STS: variants seen among roughly 807,000 people sequenced by gnomAD.
STS encodes the protein steroid sulfatase.
STS carries 7 observed loss-of-function variants against 26.8 expected under a neutral mutation model. The ratio of observed to expected loss-of-function variants is 0.26; its 90% CI spans 0.15 to 0.49. The LOEUF is 0.49. Ranked by LOEUF, STS falls within the 20% of genes least tolerant of loss-of-function variation. The pLI is 0.98. For synonymous variants in STS, 199 were observed against 189.4 expected (o/e 1.05, Z -0.42); for missense variants, 434 against 465.6 (o/e 0.93, Z 0.63).
intron 2 of STS, among the ~76,000 whole-genome samples, chrX:7,196,597 C>CACCACCACTACAACTATCAGTG (rs2147022021): frequency 8.9e-6 from 1 of 111,990 alleles, no homozygotes; most frequent in East Asian, 2.8e-4. Context: ...GGATCCACAC[C>CACCACCACTACAACTATCAGTG]ACCACCACTA....
intron 7 of STS, among the ~76,000 whole-genome samples, chrX:7,295,599 C>T (rs1355281918): frequency 9.0e-6 from 1 of 110,771 alleles, no homozygotes; most frequent in Non-Finnish European, 1.9e-5. Context: ...ATTACTAGCT[C>T]ACCTTATATT....
At chrX:7,226,855 A>G (rs1379905915) in intron 2 of STS, among the ~76,000 whole-genome samples, 1 of 112,118 alleles carries the variant, frequency 8.9e-6, no homozygotes, top group Non-Finnish European at 1.9e-5. Context: ...TGTTCGTGCT[A>G]CTGCACTCCA....
At chrX:7,199,909 TA>T (rs1934038514) in intron 2 of STS, among the ~76,000 whole-genome samples, 1 of 111,075 alleles carries the variant, frequency 9.0e-6, no homozygotes, top group Non-Finnish European at 1.9e-5. Flanking sequence ...ATAAAACCCT[TA>T]GCTTTGGAGA....
chrX:7,202,862 C>G (rs1601647639), intron 2 of STS, among the ~76,000 whole-genome samples: 1 of 110,450 alleles, frequency 9.1e-6, no homozygotes, highest in East Asian at 2.9e-4. Flanking sequence ...AGTTCCCTCT[C>G]TCTCTTTATC....
chrX:7,197,933 T>C (rs1397477733), intron 2 of STS, among the ~76,000 whole-genome samples: 1 of 111,857 alleles, frequency 8.9e-6, no homozygotes, highest in Non-Finnish European at 1.9e-5. Context: ...ATGAAAAAAA[T>C]AGTTCCAATG....
intron 5 of STS, among the ~76,000 whole-genome samples, chrX:7,258,267 G>GGATAGATAGATAGATAGATA (rs55667371): frequency 2.0e-5 from 2 of 102,134 alleles, no homozygotes; most frequent in African/African-American, 7.2e-5. Context: ...ATAGATGGTT[G>GGATAGATAGATAGATAGATA]GATAGATAGA....
At chrX:7,206,120 G>T (rs759098170) in intron 2 of STS, among the ~76,000 whole-genome samples, 1 of 111,071 alleles carries the variant, frequency 9.0e-6, no homozygotes, top group African/African-American at 3.3e-5. Flanking sequence ...CATCGTTTTG[G>T]GCCCCCAGGC....
chrX:7,344,128 G>A (rs750452569), intron 10 of STS, among the ~76,000 whole-genome samples: 1 of 112,292 alleles, frequency 8.9e-6, no homozygotes, highest in African/African-American at 3.2e-5. Flanking sequence ...GAGGGTTCAT[G>A]TGTAGGGAGT....
intron 9 of STS, among the ~76,000 whole-genome samples, chrX:7,332,323 C>G (rs1376156426): frequency 2.8e-5 from 3 of 106,222 alleles, no homozygotes; most frequent in Non-Finnish European, 5.8e-5. Context: ...AGAGCAAGAC[C>G]TTGTCTCTAA....
At chrX:7,187,345 A>G (rs770654329) in intron 1 of STS, among the ~76,000 whole-genome samples, 53 of 112,118 alleles carry the variant, frequency 4.7e-4, no homozygotes, top group Non-Finnish European at 9.2e-4. Flanking sequence ...ATGTTCTGGA[A>G]GCTTTCACGA....
In STS at chrX:7,334,001, T is replaced by C. The variant is rs1320224746; in HGVS notation, c.1257T>C (p.Arg419=). 8.3e-7 allele frequency: 1 copy of C among 1,211,595 alleles called. No individual in the cohort carries two copies. The highest frequency in any genetic ancestry group is 1.8e-5 in the South Asian group (1 of 56,980). The stretch of plus-strand genomic sequence containing the variant: ...TATCCCACAGGATCATTGATGGACG[T>C]GATCTGATGCCCCTGCTTGAAGGAA... ...PLPEDRIIDG[R]DLMPLLEGKS... is the part of the protein sequence containing the mutation. Residue 419 remains arginine (R), a synonymous_variant, in exon 10 of 11, where the codon CGT becomes CGC. Coordinates refer to ENST00000674429, the MANE Select transcript of STS (RefSeq NM_001320752.2).
intron 1 of STS, among the ~76,000 whole-genome samples, chrX:7,165,230 ACTGTGATGGCCAATATCTACCTTCCAG>A (rs1421981525): frequency 9.2e-6 from 1 of 108,189 alleles, no homozygotes. Flanking sequence ...GCTTTGCTGG[ACTGTGATGGCCAATATCTACCTTCCAG>A]CTGTGACAGC....
chrX:7,206,770 GT>G (rs758353178), intron 2 of STS, among the ~76,000 whole-genome samples: 28 of 112,278 alleles, frequency 2.5e-4, no homozygotes, highest in Admixed American at 6.6e-4. Context: ...AAGGATTTTT[GT>G]TGTGAATTTG....
In STS at chrX:7,259,568, T is replaced by G; in HGVS notation, c.602T>G (p.Leu201Arg). The G allele has an allele frequency of 8.3e-7, 1 of 1,211,782 alleles. No homozygotes were observed. Among genetic ancestry groups the G allele is most frequent in the Non-Finnish European group, 1.1e-6 (1 of 895,406 alleles). ...TLLTLAALNC[L>R]GLLHVPLGVF... ...CTTACCCTTGCTGCACTCAATTGTC[T>G]GGGGCTACTCCACGTGCCTCTAGGC... The change falls in exon 6 of 11, where the codon CTG (leucine) becomes CGG (arginine). Residue 201 changes from leucine (L) to arginine (R), a missense_variant. Physicochemically the swap from Leu to Arg is moderately radical, Grantham distance 102. Coordinates refer to ENST00000674429, the MANE Select transcript of STS (RefSeq NM_001320752.2).
chrX:7,287,678 T>TTTTATTTA (rs200085059), intron 7 of STS, among the ~76,000 whole-genome samples: 60 of 105,538 alleles, frequency 5.7e-4, no homozygotes, highest in Admixed American at 2.3e-3. Flanking sequence ...TTATTTTTTA[T>TTTTATTTA]TTTATTTATT....
intron 10 of STS, among the ~76,000 whole-genome samples, chrX:7,346,458 T>TAAAAAAAA (rs33973441): frequency 1.2e-5 from 1 of 80,787 alleles, no homozygotes. Flanking sequence ...CTTAAACAAG[T>TAAAAAAAA]AAAAAAAAAA....
chrX:7,221,371 T>C (rs1285339121), intron 2 of STS, among the ~76,000 whole-genome samples: 1 of 112,625 alleles, frequency 8.9e-6, no homozygotes, highest in Admixed American at 9.4e-5. Context: ...CAGAGCTGTA[T>C]AGCACAGGCT....
At chrX:7,205,282 ATG>A (rs1934187777) in intron 2 of STS, among the ~76,000 whole-genome samples, 1 of 112,410 alleles carries the variant, frequency 8.9e-6, no homozygotes, top group Non-Finnish European at 1.9e-5. Context: ...AAGAATGGGA[ATG>A]TAATTATTGC....
chrX:7,312,497 C>T (rs1407694269), intron 8 of STS, among the ~76,000 whole-genome samples: 3 of 111,102 alleles, frequency 2.7e-5, no homozygotes, highest in Non-Finnish European at 1.9e-5. Flanking sequence ...TTGGCTGTGT[C>T]CCCATCAAAA....
Sources: allele counts gnomAD v4.1 joint callset (sites outside exome capture counted in the v4.1 genomes callset), GRCh38; gene constraint gnomAD v4.1.1; transcripts MANE v1.5; gene names NCBI Gene and HGNC (gene_info 2026-07-23, HGNC 2026-07-21).